The following SNX13 variants were observed in gnomAD, a reference collection of about 807,000 sequenced individuals.
SNX13 encodes sorting nexin 13, also known as sorting nexin-13.
SNX13 carries 45 observed loss-of-function variants against 133.6 expected under a neutral mutation model. The observed-to-expected ratio is 0.34, with a 90% CI of 0.27 to 0.43. SNX13 has a LOEUF of 0.43. Ranked by LOEUF, SNX13 falls within the 20% of genes least tolerant of loss-of-function variation. SNX13 has a pLI of 1.00. For missense variants in SNX13, 1,032 were observed against 1,145.1 expected, an observed-to-expected ratio of 0.90 and a Z score of 1.43; for synonymous variants, 414 against 373.9, an observed-to-expected ratio of 1.11 and a Z score of -1.24.
At chr7:17,870,696 G>C (rs186668255) in intron 8 of SNX13, among the ~76,000 whole-genome samples, 3 of 152,294 alleles carry the variant, frequency 2.0e-5, no homozygotes, top group East Asian at 1.9e-4. Context: ...CTGAGCATCT[G>C]CTATGTGCCA....
chr7:17,811,423 A>G (rs898617209), intron 20 of SNX13, among the ~76,000 whole-genome samples: 1 of 152,222 alleles, frequency 6.6e-6, no homozygotes, highest in Non-Finnish European at 1.5e-5. Context: ...TAAAATACCT[A>G]GGAATACAAC....
chr7:17,821,918 C>T (rs1421309819), intron 17 of SNX13, among the ~76,000 whole-genome samples: 1 of 152,060 alleles, frequency 6.6e-6, no homozygotes, highest in African/African-American at 2.4e-5. Flanking sequence ...CAAAGCGGTA[C>T]CTATTACAAT....
chr7:17,911,637 C>CAA (rs77578497), intron 1 of SNX13, among the ~76,000 whole-genome samples: 1 of 118,696 alleles, frequency 8.4e-6, no homozygotes, highest in Non-Finnish European at 1.8e-5. Context: ...GACTCTGTCT[C>CAA]AAAAAAAAAA....
chr7:17,897,351 G>A lies in SNX13; in HGVS notation c.108C>T (p.Ile36=), dbSNP rs201878502. The A allele has an allele frequency of 2.0e-4, 316 of 1,575,444 alleles. No individual in the cohort carries two copies. The highest frequency in any genetic ancestry group is 2.5e-4 in the Non-Finnish European group (292 of 1,158,620). Residue 36 remains isoleucine, a synonymous_variant, in exon 2 of 26, where the codon ATC becomes ATT. Transcript: ENST00000428135. ...PFVIFYLTFY[I]LCFVGGGLVV... The stretch of plus-strand genomic sequence containing the variant: ...ATACTTACCCACCCACAAAGCAGAG[G>A]ATATAAAATGTCAAATAAAATATTA...
chr7:17,821,643 A>G lies in SNX13; in HGVS notation c.1711T>C (p.Cys571Arg). 6.2e-7 allele frequency: 1 copy of G among 1,613,372 alleles called. No individual in the cohort carries two copies. The highest frequency in any genetic ancestry group is 2.2e-5 in the East Asian group (1 of 44,852). ...LHAYISDTGVCNDHGKTYALY... is the reference protein window; with the variant it reads ...LHAYISDTGVRNDHGKTYALY... ...GCATATGTCTTGCCATGATCATTAC[A>G]AACGCCTGCCACAGCATATGGGTCA... The change falls in exon 18 of 26, where the codon TGT (cysteine) becomes CGT (arginine). Residue 571 changes from cysteine (C) to arginine (R), a missense_variant. Physicochemically the swap from Cys to Arg is radical, Grantham distance 180. Transcript: ENST00000428135.
intron 9 of SNX13, among the ~76,000 whole-genome samples, chr7:17,857,949 G>A (rs1481315222): frequency 6.6e-6 from 1 of 152,136 alleles, no homozygotes; most frequent in Non-Finnish European, 1.5e-5. Context: ...TTCAATAGAT[G>A]TTGAAAAGGC....
chr7:17,839,747 T>C (rs1789645667), intron 13 of SNX13, 60 bp downstream of exon 13: 1 of 1,399,902 alleles, frequency 7.1e-7, no homozygotes, highest in Admixed American at 2.5e-5. Flanking sequence ...AAGCAATGGA[T>C]TACAAAAATT....
chr7:17,922,162 C>A (rs148461460), intron 1 of SNX13, among the ~76,000 whole-genome samples: 161 of 152,296 alleles, frequency 1.1e-3, no homozygotes, highest in African/African-American at 3.6e-3. Flanking sequence ...AAACAGGTCA[C>A]ACAGGCAGTG....
chr7:17,834,042 G>A lies in SNX13; in HGVS notation c.1597+10C>T. 6.6e-7 allele frequency: 1 copy of A among 1,513,580 alleles called. No individual in the cohort carries two copies. Among genetic ancestry groups the A allele is most frequent in the Non-Finnish European group, 8.9e-7 (1 of 1,123,446 alleles). 93.8% of individuals were successfully genotyped at this position (1,513,580 alleles called of 1,614,324 possible). A position where few individuals can be genotyped will look rare whatever the true frequency, so the allele number is the denominator to read the frequency against. Reference sequence around the variant, plus strand: ...TATGCATATTATGTGTAAAATGGGTGCCACCTTACCTCCATCCCCATCATC... The same window carrying A: ...TATGCATATTATGTGTAAAATGGGTACCACCTTACCTCCATCCCCATCATC... On this transcript the variant is annotated intron_variant, in intron 15 of 25. Coordinates refer to ENST00000428135, the MANE Select transcript of SNX13 (RefSeq NM_015132.5).
At chr7:17,900,817 T>C (rs562326274) in intron 1 of SNX13, among the ~76,000 whole-genome samples, 1 of 152,250 alleles carries the variant, frequency 6.6e-6, no homozygotes, top group African/African-American at 2.4e-5. Context: ...GTAACCAAGC[T>C]GGTAGCTAAG....
intron 10 of SNX13, 136 bp downstream of exon 10, chr7:17,850,688 CAT>C (rs1791099519): frequency 2.8e-6 from 2 of 713,736 alleles, no homozygotes; most frequent in African/African-American, 1.8e-5. Context: ...TAACTAAGCA[CAT>C]GTTAACCTAA....
intron 17 of SNX13, among the ~76,000 whole-genome samples, chr7:17,823,872 A>G (rs1293714386): frequency 1.3e-5 from 2 of 152,192 alleles, no homozygotes; most frequent in African/African-American, 4.8e-5. Flanking sequence ...TTAAAAATTA[A>G]CAACAGTAAG....
At chr7:17,867,574 T>C (rs1244671277) in intron 9 of SNX13, among the ~76,000 whole-genome samples, 1 of 151,742 alleles carries the variant, frequency 6.6e-6, no homozygotes, top group Non-Finnish European at 1.5e-5. Context: ...CACTGCACTC[T>C]AGCCTGGATG....
At chr7:17,831,649 A>T in intron 15 of SNX13, 2 of 984,336 alleles carry the variant, frequency 2.0e-6, no homozygotes, top group Non-Finnish European at 2.4e-6. Context: ...TACTTTAAAA[A>T]AATCAGCTGT....
chr7:17,864,433 C>T (rs182969867), intron 9 of SNX13, among the ~76,000 whole-genome samples: 152 of 151,928 alleles, frequency 1.0e-3, no homozygotes, highest in East Asian at 8.1e-3. Flanking sequence ...AAGGAAGAAC[C>T]GAGCTAAGAC....
rs143234173 is a variant in SNX13, at chr7:17,828,659, G to A, written c.1635+1351C>T. On this transcript the variant is annotated intron_variant, in intron 16 of 25. Transcript: ENST00000428135. Reference sequence around the variant, plus strand: ...ACTACTTAGAAGTATGAATTAAATAGATTTATGGGAATAAAAAAATACTCC... The same window carrying A: ...ACTACTTAGAAGTATGAATTAAATAAATTTATGGGAATAAAAAAATACTCC... 2.8e-3 allele frequency among the ~76,000 whole-genome samples: 427 copies of A among 151,642 alleles called. 12 individuals are homozygous for A. Among genetic ancestry groups the A allele is most frequent in the Admixed American group, 0.025 (385 of 15,200 alleles).
intron 20 of SNX13, among the ~76,000 whole-genome samples, chr7:17,806,870 C>G (rs1383908055): frequency 6.6e-6 from 1 of 152,154 alleles, no homozygotes; most frequent in Non-Finnish European, 1.5e-5. Flanking sequence ...GAACTCCTTC[C>G]CTAGCCAAGG....
chr7:17,876,487 G>A (rs1794732323), intron 5 of SNX13, among the ~76,000 whole-genome samples: 1 of 151,634 alleles, frequency 6.6e-6, no homozygotes, highest in Admixed American at 6.6e-5. Flanking sequence ...AGCTGAAGTG[G>A]GAGGATCACC....
intron 1 of SNX13, among the ~76,000 whole-genome samples, chr7:17,939,577 G>C (rs1307448018): frequency 1.3e-5 from 2 of 152,204 alleles, no homozygotes; most frequent in Non-Finnish European, 2.9e-5. Flanking sequence ...AAATTGATTG[G>C]TTCGTCATAG....
Sources: allele counts gnomAD v4.1 joint callset (sites outside exome capture counted in the v4.1 genomes callset), GRCh38; gene constraint gnomAD v4.1.1; transcripts MANE v1.5; gene names NCBI Gene and HGNC (gene_info 2026-07-23, HGNC 2026-07-21).